The following LRRC8B variants were observed in gnomAD, a reference collection of about 807,000 sequenced individuals.
The protein encoded by LRRC8B is leucine rich repeat containing 8 VRAC subunit B.
LRRC8B carries 23 observed loss-of-function variants against 58.8 expected under a neutral mutation model. The observed-to-expected ratio is 0.39, with a 90% CI of 0.28 to 0.55. LRRC8B has a LOEUF of 0.55. Among genes scored for constraint, LRRC8B ranks in the 20% least tolerant of loss-of-function variants. LRRC8B has a pLI of 0.62. For missense variants in LRRC8B, 694 were observed against 936.0 expected, an observed-to-expected ratio of 0.74 and a Z score of 3.37; for synonymous variants, 359 against 374.1, an observed-to-expected ratio of 0.96 and a Z score of 0.47.
At chr1:89,568,887 T>C (rs1653227975) in intron 3 of LRRC8B, among the ~76,000 whole-genome samples, 1 of 152,190 alleles carries the variant, frequency 6.6e-6, no homozygotes, top group South Asian at 2.1e-4. Context: ...AATGCTACCA[T>C]AGATTTGGTT....
In LRRC8B at chr1:89,593,114, C is replaced by T; in HGVS notation, c.*71C>T. ...GCTCGGCCGGGCGTGGTGGCTCATG[C>T]CTATAATCCCAGCACTTTGGGAGGC... On this transcript the variant is annotated 3_prime_UTR_variant, in exon 6 of 6. Coordinates refer to ENST00000330947, the MANE Select transcript of LRRC8B (RefSeq NM_001369817.2). 1 of 1,491,352 alleles carries T rather than the reference C, an allele frequency of 6.7e-7. No homozygotes were observed. The highest frequency in any genetic ancestry group is 1.4e-5 in the African/African-American group (1 of 72,130). 92.4% of individuals were successfully genotyped at this position (1,491,352 alleles called of 1,614,324 possible). A position where few individuals can be genotyped will look rare whatever the true frequency, so the allele number is the denominator to read the frequency against.
chr1:89,534,844 G>C (rs961085557), intron 1 of LRRC8B, among the ~76,000 whole-genome samples: 1 of 152,004 alleles, frequency 6.6e-6, no homozygotes, highest in African/African-American at 2.4e-5. Context: ...CATTTGATTA[G>C]GTCTTCCTCC....
Position 89,538,956 on chromosome 1 carries a change from A to C in LRRC8B, c.-241+13934A>C, listed in dbSNP as rs572551960. On this transcript the variant is annotated intron_variant, in intron 1 of 5. Transcript: ENST00000330947. ...AGGCTGGTCTCAAACTCCTGACCTCAGGTGATCCACCCATCTTGGCCTCCC... is the reference window on the plus strand; with the variant it reads ...AGGCTGGTCTCAAACTCCTGACCTCCGGTGATCCACCCATCTTGGCCTCCC... 1.3e-5 allele frequency among the ~76,000 whole-genome samples: 2 copies of C among 152,258 alleles called. 1 individual carries two copies. Among genetic ancestry groups the C allele is most frequent in the East Asian group, 3.9e-4 (2 of 5,178 alleles).
chr1:89,531,484 C>A (rs1232964285), intron 1 of LRRC8B, among the ~76,000 whole-genome samples: 1 of 152,112 alleles, frequency 6.6e-6, no homozygotes, highest in African/African-American at 2.4e-5. Flanking sequence ...GTTATGGTGG[C>A]AAGACAGGTT....
At chr1:89,587,908 C>T (rs938092793) in intron 5 of LRRC8B, 1 of 152,266 alleles carries the variant, frequency 6.6e-6, no homozygotes, top group African/African-American at 2.4e-5. Context: ...CTTACCAGCT[C>T]AGAGCACTGC....
At chr1:89,559,654 A>C (rs1209492705) in intron 1 of LRRC8B, among the ~76,000 whole-genome samples, 1 of 151,398 alleles carries the variant, frequency 6.6e-6, no homozygotes. Flanking sequence ...ACACACACAT[A>C]TATGTACACA....
At chr1:89,539,432 G>A (rs932477129) in intron 1 of LRRC8B, among the ~76,000 whole-genome samples, 2 of 152,192 alleles carry the variant, frequency 1.3e-5, no homozygotes, top group African/African-American at 4.8e-5. Flanking sequence ...TTTCTTCACT[G>A]ATGATAGAAC....
chr1:89,592,668 C>A, intron 5 of LRRC8B, 103 bp from the exon 6 acceptor site: 1 of 1,009,568 alleles, frequency 9.9e-7, no homozygotes, highest in Non-Finnish European at 1.5e-6. Flanking sequence ...ACTTATAAAC[C>A]TCCAGAAATG....
Position 89,595,071 on chromosome 1 carries a change from C to G in LRRC8B, c.*2028C>G, listed in dbSNP as rs1257980396. ...TCAAATGAAATTTGAATAATATTAG[C>G]TATCAGGAATATAGGACACCAAACA... On this transcript the variant is annotated 3_prime_UTR_variant, in exon 6 of 6. Transcript: ENST00000330947. 6.6e-6 allele frequency: 1 copy of G among 152,140 alleles called. No individual in the cohort carries two copies. Among genetic ancestry groups the G allele is most frequent in the Non-Finnish European group, 1.5e-5 (1 of 67,992 alleles). The allele number at this position is 152,140 out of a possible 1,614,324, so 9.4% of individuals were successfully genotyped here. A position where few individuals can be genotyped will look rare whatever the true frequency, so the allele number is the denominator to read the frequency against.
intron 5 of LRRC8B, chr1:89,588,123 G>A (rs1351532970): frequency 1.3e-5 from 2 of 152,138 alleles, no homozygotes; most frequent in Non-Finnish European, 2.9e-5. Flanking sequence ...AGTTTCTCTA[G>A]TAGAAAGTGA....
intron 3 of LRRC8B, among the ~76,000 whole-genome samples, chr1:89,575,561 G>A (rs1156287460): frequency 2.6e-5 from 4 of 152,182 alleles, no homozygotes; most frequent in Admixed American, 6.5e-5. Flanking sequence ...AAGCCATTAA[G>A]GCTTGGAATA....
intron 1 of LRRC8B, among the ~76,000 whole-genome samples, chr1:89,537,923 C>G (rs887375359): frequency 1.3e-5 from 2 of 152,218 alleles, no homozygotes; most frequent in African/African-American, 4.8e-5. Context: ...TTCCTAACTT[C>G]TGGAACTGTG....
intron 1 of LRRC8B, among the ~76,000 whole-genome samples, chr1:89,556,502 T>C (rs1652201495): frequency 6.6e-6 from 1 of 151,986 alleles, no homozygotes; most frequent in Admixed American, 6.5e-5. Context: ...GGACTTGTGA[T>C]TGAGTTTGAA....
At chr1:89,570,752 A>G (rs1223234008) in intron 3 of LRRC8B, among the ~76,000 whole-genome samples, 2 of 152,048 alleles carry the variant, frequency 1.3e-5, no homozygotes, top group Non-Finnish European at 2.9e-5. Flanking sequence ...TTTTGTTCCA[A>G]TTGCTTTTGG....
At chr1:89,558,043 A>G (rs12756658) in intron 1 of LRRC8B, among the ~76,000 whole-genome samples, 28,901 of 152,092 alleles carry the variant, frequency 0.19, 3,475 homozygotes, top group Admixed American at 0.31. Flanking sequence ...TTAAAAAAAA[A>G]TCCCTTGCCA....
At chr1:89,562,490 G>A (rs916865616) in intron 1 of LRRC8B, among the ~76,000 whole-genome samples, 7 of 148,658 alleles carry the variant, frequency 4.7e-5, no homozygotes, top group Non-Finnish European at 1.0e-4. Flanking sequence ...TTTTCTTTCC[G>A]AGACTTGGTC....
chr1:89,534,496 A>G (rs1193429196), intron 1 of LRRC8B, among the ~76,000 whole-genome samples: 1 of 150,392 alleles, frequency 6.6e-6, no homozygotes, highest in African/African-American at 2.5e-5. Flanking sequence ...GTTTTTCATT[A>G]TCATGTCTTT....
chr1:89,588,648 T>C (rs1170792012), intron 5 of LRRC8B, among the ~76,000 whole-genome samples: 1 of 152,224 alleles, frequency 6.6e-6, no homozygotes, highest in Non-Finnish European at 1.5e-5. Flanking sequence ...AAGTGCTAGT[T>C]AGCCTGAACT....
intron 5 of LRRC8B, among the ~76,000 whole-genome samples, chr1:89,586,075 T>C (rs1180280916): frequency 1.3e-5 from 2 of 152,182 alleles, no homozygotes; most frequent in African/African-American, 4.8e-5. Context: ...CATCTTCAGA[T>C]CTTAAAGGTT....
Sources: gnomAD v4.1 joint callset for allele counts (sites outside exome capture counted in the v4.1 genomes callset) on GRCh38, gnomAD v4.1.1 for gene constraint, MANE v1.5 for transcripts, NCBI Gene and HGNC (gene_info 2026-07-23, HGNC 2026-07-21) for gene names.